TXNL1: variants seen among roughly 807,000 people sequenced by gnomAD.
The protein encoded by TXNL1 is thioredoxin like 1, also known as thioredoxin-like protein 1.
In TXNL1, 14 loss-of-function variants were observed where a neutral mutation model predicts 35.5. The ratio of observed to expected loss-of-function variants is 0.39; its 90% CI spans 0.26 to 0.62. TXNL1 has a LOEUF of 0.62. TXNL1 is among the 20% of genes least tolerant of loss of function. The pLI is 0.47. For synonymous variants in TXNL1, 110 were observed against 115.5 expected (o/e 0.95, Z 0.31); for missense variants, 263 against 349.7 (o/e 0.75, Z 1.98).
chr18:56,618,419 C>T (rs2024125406), intron 3 of TXNL1, among the ~76,000 whole-genome samples: 1 of 152,076 alleles, frequency 6.6e-6, no homozygotes, highest in Non-Finnish European at 1.5e-5. Flanking sequence ...AGAAAATATG[C>T]AAATTAAAAT....
chr18:56,638,556 G>C lies in TXNL1; in HGVS notation c.-116C>G, dbSNP rs2024496741. ...GGAAGGCCGAGGCCTGGACAGAAGA[G>C]GTGGCGACCGCCGAGTCTTCTCCCG... On this transcript the variant is annotated 5_prime_UTR_variant, in exon 1 of 8. Coordinates refer to ENST00000217515, the MANE Select transcript of TXNL1 (RefSeq NM_004786.3). 1.9e-6 allele frequency: 2 copies of C among 1,026,746 alleles called. No individual in the cohort carries two copies. Among genetic ancestry groups the C allele is most frequent in the African/African-American group, 1.7e-5 (1 of 60,594 alleles). The allele number at this position is 1,026,746 out of a possible 1,614,324, so 63.6% of individuals were successfully genotyped here. A position where few individuals can be genotyped will look rare whatever the true frequency, so the allele number is the denominator to read the frequency against.
At chr18:56,607,780 C>T (rs1029957959) in intron 7 of TXNL1, among the ~76,000 whole-genome samples, 8 of 152,004 alleles carry the variant, frequency 5.3e-5, no homozygotes, top group African/African-American at 1.7e-4. Context: ...CACTTGAACC[C>T]GGGAGGCAGA....
In TXNL1 at chr18:56,618,033, T is replaced by C. The variant is rs775170147; in HGVS notation, c.463A>G (p.Thr155Ala). The change falls in exon 4 of 8, where the codon ACC (threonine) becomes GCC (alanine). Residue 155 changes from threonine (T) to alanine (A), a missense_variant. Thr to Ala is a moderately conservative substitution (Grantham distance 58, BLOSUM62 0). Coordinates refer to ENST00000217515, the MANE Select transcript of TXNL1 (RefSeq NM_004786.3). ...TCATCACAGTCAGATTCCAAGAAGG[T>C]TGTGTCTTTTCGTAAACAGTTGTCA... is the stretch of plus-strand genomic sequence containing the variant. The part of the protein sequence containing the change: ...GFDNCLRKDT[T>A]FLESDCDEQL... 3 of 1,614,014 alleles carry C rather than the reference T, an allele frequency of 1.9e-6. No individual in the cohort carries two copies. The highest frequency in any genetic ancestry group is 3.3e-5 in the Admixed American group (2 of 60,028).
At chr18:56,624,762 C>A (rs1448824456) in intron 2 of TXNL1, among the ~76,000 whole-genome samples, 1 of 152,054 alleles carries the variant, frequency 6.6e-6, no homozygotes, top group Non-Finnish European at 1.5e-5. Flanking sequence ...TAATGCCAGA[C>A]AGATCTTTCA....
rs1313037353 is a variant in TXNL1 at position 56,614,524 on chromosome 18, C to T, written c.635G>A (p.Ser212Asn). 6.2e-7 allele frequency: 1 copy of T among 1,613,824 alleles called. No homozygotes were observed. The highest frequency in any genetic ancestry group is 1.3e-5 in the African/African-American group (1 of 74,898). Residue 212 changes from serine (S) to asparagine (N), a missense_variant, in exon 6 of 8, where the codon AGT (serine) becomes AAT (asparagine). Ser to Asn is a conservative substitution (Grantham distance 46). Coordinates refer to ENST00000217515, the MANE Select transcript of TXNL1 (RefSeq NM_004786.3). The part of the protein sequence containing the change: ...RSMDFEEAER[S>N]EPTQALELTE... ...CAGTTCCAGAGCTTGAGTTGGTTCACTTCTTTCTGCCTCTTCAAAATCCAT... is the reference window on the plus strand; with the variant it reads ...CAGTTCCAGAGCTTGAGTTGGTTCATTTCTTTCTGCCTCTTCAAAATCCAT...
chr18:56,626,143 G>A (rs1290610944), intron 2 of TXNL1: 1 of 1,213,676 alleles, frequency 8.2e-7, no homozygotes, highest in East Asian at 3.2e-5. Flanking sequence ...TTTTATATCA[G>A]AAGGTGATTA....
chr18:56,618,472 T>C (rs2024126364), intron 3 of TXNL1, among the ~76,000 whole-genome samples: 1 of 152,230 alleles, frequency 6.6e-6, no homozygotes, highest in East Asian at 1.9e-4. Context: ...CTTCTAGTGG[T>C]CAAGGACTCT....
intron 1 of TXNL1, among the ~76,000 whole-genome samples, chr18:56,628,373 G>C (rs2024320036): frequency 6.6e-6 from 1 of 152,052 alleles, no homozygotes; most frequent in Non-Finnish European, 1.5e-5. Context: ...GTTCACCTTA[G>C]AACATTTGAA....
At chr18:56,629,522 G>C (rs540953799) in intron 1 of TXNL1, among the ~76,000 whole-genome samples, 4 of 152,220 alleles carry the variant, frequency 2.6e-5, no homozygotes, top group Non-Finnish European at 4.4e-5. Context: ...CAGTGTTTAG[G>C]GGGGAAGAAA....
chr18:56,615,138 A>G (rs577301176), intron 5 of TXNL1, among the ~76,000 whole-genome samples: 7 of 152,320 alleles, frequency 4.6e-5, no homozygotes, highest in Admixed American at 3.3e-4. Flanking sequence ...TTAGGATGTG[A>G]TAAGTGGTAA....
At chr18:56,627,422 C>A (rs1175280960) in intron 1 of TXNL1, among the ~76,000 whole-genome samples, 4 of 152,048 alleles carry the variant, frequency 2.6e-5, no homozygotes, top group Admixed American at 6.5e-5. Context: ...AGAGAAATGC[C>A]AAGGACAGCC....
chr18:56,634,570 A>C (rs1449875912), intron 1 of TXNL1, among the ~76,000 whole-genome samples: 1 of 152,220 alleles, frequency 6.6e-6, no homozygotes, highest in Non-Finnish European at 1.5e-5. Context: ...AGGAAAAGAC[A>C]GTGTTTTCGA....
chr18:56,614,733 T>C (rs551871408), intron 5 of TXNL1, 137 bp from the exon 6 acceptor site: 1 of 739,848 alleles, frequency 1.4e-6, no homozygotes, highest in East Asian at 2.8e-5. Context: ...TATTAGAACT[T>C]GTACAAAAGT....
chr18:56,609,632 A>G (rs756310335), intron 7 of TXNL1: 2 of 152,260 alleles, frequency 1.3e-5, no homozygotes, highest in Non-Finnish European at 2.9e-5. Flanking sequence ...AACTAAGTTA[A>G]GAATAAACCA....
chr18:56,626,280 G>T, intron 2 of TXNL1, 81 bp downstream of exon 2: 1 of 1,541,402 alleles, frequency 6.5e-7, no homozygotes, highest in South Asian at 1.3e-5. Flanking sequence ...TGTGCATCAA[G>T]AGATAAATGA....
At chr18:56,627,925 A>G (rs1166065870) in intron 1 of TXNL1, among the ~76,000 whole-genome samples, 2 of 152,108 alleles carry the variant, frequency 1.3e-5, no homozygotes, top group African/African-American at 2.4e-5. Flanking sequence ...CCTTTTATTC[A>G]TCAAAAAATG....
chr18:56,607,226 C>T (rs1459937082), intron 7 of TXNL1, among the ~76,000 whole-genome samples: 4 of 150,740 alleles, frequency 2.7e-5, no homozygotes, highest in Non-Finnish European at 4.4e-5. Flanking sequence ...CTATGTTTAT[C>T]AGGCTGGTCT....
chr18:56,636,653 A>T (rs150286943), intron 1 of TXNL1, among the ~76,000 whole-genome samples: 72 of 152,336 alleles, frequency 4.7e-4, no homozygotes, highest in African/African-American at 1.5e-3. Context: ...CTTATGCTTA[A>T]GTGACACCAC....
chr18:56,616,402 G>T, intron 4 of TXNL1, 88 bp from the exon 5 acceptor site: 1 of 1,055,614 alleles, frequency 9.5e-7, no homozygotes, highest in Non-Finnish European at 1.3e-6. Context: ...TAACAGGCAA[G>T]AAAAAAAAAA....
Sources: allele counts gnomAD v4.1 joint callset (sites outside exome capture counted in the v4.1 genomes callset), GRCh38; gene constraint gnomAD v4.1.1; transcripts MANE v1.5; gene names NCBI Gene and HGNC (gene_info 2026-07-23, HGNC 2026-07-21).